Variants in CDH20 observed in about 807,000 individuals in gnomAD.
The protein encoded by CDH20 is cadherin 20.
CDH20 carries 29 observed loss-of-function variants against 74.2 expected under a neutral mutation model. The ratio of observed to expected loss-of-function variants is 0.39; its 90% CI spans 0.29 to 0.53. The LOEUF (loss-of-function observed/expected upper bound fraction) is 0.53. Ranked by LOEUF, CDH20 falls within the 20% of genes least tolerant of loss-of-function variation. The pLI, the probability that CDH20 is intolerant of heterozygous loss-of-function variation, is 0.69. For synonymous variants in CDH20, 469 were observed against 405.4 expected (o/e 1.16, Z -1.88); for missense variants, 988 against 1,048.3 (o/e 0.94, Z 0.79).
chr18:61,534,484 C>T (rs1359262862), intron 7 of CDH20, among the ~76,000 whole-genome samples: 1 of 152,148 alleles, frequency 6.6e-6, no homozygotes, highest in Non-Finnish European at 1.5e-5. Flanking sequence ...AACCTTAGTG[C>T]CCATCAACAG....
chr18:61,411,632 TCCACACACACAC>T (rs1912511506), intron 1 of CDH20, among the ~76,000 whole-genome samples: 1 of 101,964 alleles, frequency 9.8e-6, no homozygotes. Flanking sequence ...GAGATATGTA[TCCACACACACAC>T]ACACACACAC....
intron 1 of CDH20, among the ~76,000 whole-genome samples, chr18:61,348,986 G>A (rs924264280): frequency 1.3e-5 from 2 of 152,168 alleles, no homozygotes; most frequent in African/African-American, 4.8e-5. Context: ...GCGTTGCTTT[G>A]TAATGTGTTG....
chr18:61,481,193 G>A (rs1333657284), intron 1 of CDH20, among the ~76,000 whole-genome samples: 1 of 152,062 alleles, frequency 6.6e-6, no homozygotes, highest in East Asian at 1.9e-4. Context: ...AAACAGACAA[G>A]TAAATAATTA....
chr18:61,462,370 C>A, intron 1 of CDH20, among the ~76,000 whole-genome samples: 1 of 152,102 alleles, frequency 6.6e-6, no homozygotes, highest in Non-Finnish European at 1.5e-5. Flanking sequence ...TGCCTTCAGA[C>A]CCTATTCTCC....
At chr18:61,358,260 G>A (rs1232333399) in intron 1 of CDH20, among the ~76,000 whole-genome samples, 13 of 150,740 alleles carry the variant, frequency 8.6e-5, no homozygotes, top group Non-Finnish European at 1.5e-4. Context: ...GACTACAGGC[G>A]CCCGCCACCA....
chr18:61,463,708 GT>G, intron 1 of CDH20, among the ~76,000 whole-genome samples: 1 of 152,018 alleles, frequency 6.6e-6, no homozygotes, highest in Non-Finnish European at 1.5e-5. Flanking sequence ...CTGCTTCCTG[GT>G]TTTCAAGCAG....
At chr18:61,340,261 A>T (rs895881414) in intron 1 of CDH20, among the ~76,000 whole-genome samples, 4 of 112,602 alleles carry the variant, frequency 3.6e-5, no homozygotes, top group African/African-American at 9.9e-5. Flanking sequence ...AGCTGAATGA[A>T]CAAGGTAGTC....
chr18:61,532,532 G>GTATA (rs34829043), intron 7 of CDH20, among the ~76,000 whole-genome samples: 8 of 145,512 alleles, frequency 5.5e-5, no homozygotes, highest in South Asian at 4.3e-4. Context: ...TGTATTGTAT[G>GTATA]TATATATATA....
At chr18:61,364,805 C>T (rs2429727) in intron 1 of CDH20, among the ~76,000 whole-genome samples, 21,976 of 152,086 alleles carry the variant, frequency 0.14, 2,209 homozygotes, top group East Asian at 0.45. Flanking sequence ...GCCAAATAAC[C>T]CTTTTTCTTT....
chr18:61,544,971 G>A, intron 9 of CDH20, 56 bp from the exon 10 acceptor site: 1 of 1,145,796 alleles, frequency 8.7e-7, no homozygotes, highest in Non-Finnish European at 1.3e-6. Flanking sequence ...ATTTAACTGG[G>A]CCCTGGTGCT....
chr18:61,495,988 T>C (rs866634867), intron 2 of CDH20, among the ~76,000 whole-genome samples: 6 of 150,256 alleles, frequency 4.0e-5, no homozygotes, highest in African/African-American at 1.5e-4. Context: ...TCCTTTTCCC[T>C]TTCCCCGCCT....
chr18:61,432,111 G>A (rs927208309), intron 1 of CDH20, among the ~76,000 whole-genome samples: 24 of 151,884 alleles, frequency 1.6e-4, no homozygotes. Context: ...AGCTGGGCAT[G>A]GTGGCGGGCG....
chr18:61,507,330 G>C (rs372852288), intron 5 of CDH20, 43 bp from the exon 6 acceptor site: 8 of 1,571,898 alleles, frequency 5.1e-6, no homozygotes, highest in Non-Finnish European at 7.0e-6. Flanking sequence ...ATTTTTTATA[G>C]TGACGGATTA....
chr18:61,435,480 A>G (rs1388782530), intron 1 of CDH20, among the ~76,000 whole-genome samples: 4 of 152,064 alleles, frequency 2.6e-5, no homozygotes, highest in African/African-American at 9.7e-5. Context: ...TTTGCATCAT[A>G]AAGAGAACCT....
At chr18:61,354,971 C>A (rs1910448867) in intron 1 of CDH20, among the ~76,000 whole-genome samples, 1 of 152,202 alleles carries the variant, frequency 6.6e-6, no homozygotes, top group African/African-American at 2.4e-5. Context: ...CCGTAAAAAA[C>A]TGTGCTTAGG....
At chr18:61,372,604 T>A (rs1384260226) in intron 1 of CDH20, among the ~76,000 whole-genome samples, 1 of 152,166 alleles carries the variant, frequency 6.6e-6, no homozygotes, top group East Asian at 1.9e-4. Flanking sequence ...ATTTTCATCT[T>A]TAAATGGTTG....
chr18:61,341,642 A>G (rs1909954184), intron 1 of CDH20, among the ~76,000 whole-genome samples: 2 of 152,186 alleles, frequency 1.3e-5, no homozygotes, highest in South Asian at 4.1e-4. Flanking sequence ...CATTGAAAGC[A>G]AGCACCACAC....
At chr18:61,539,386 G>C (rs966162853) in intron 9 of CDH20, among the ~76,000 whole-genome samples, 12 of 152,174 alleles carry the variant, frequency 7.9e-5, no homozygotes, top group African/African-American at 2.9e-4. Context: ...CAGGAAGATA[G>C]TTTGAGCCCA....
chr18:61,464,739 T>C lies in CDH20; in HGVS notation c.-152-25663T>C, dbSNP rs76330889. Among the ~76,000 whole-genome samples, 1,395 of 152,290 alleles carry C rather than the reference T, an allele frequency of 9.2e-3. 15 individuals carry two copies. The highest frequency in any genetic ancestry group is 0.014 in the Non-Finnish European group (976 of 68,032). On this transcript the variant is annotated intron_variant, in intron 1 of 11. Coordinates refer to ENST00000262717, the MANE Select transcript of CDH20 (RefSeq NM_031891.4). ...GACTGAAAGCAACCACACCCATTTA[T>C]CAATATCTAGGACTAGGAGGAAACA...
Sources: gnomAD v4.1 joint callset for allele counts (sites outside exome capture counted in the v4.1 genomes callset) on GRCh38, gnomAD v4.1.1 for gene constraint, MANE v1.5 for transcripts, NCBI Gene and HGNC (gene_info 2026-07-23, HGNC 2026-07-21) for gene names.